Variants in NELL1 observed in about 807,000 individuals in gnomAD.
The protein encoded by NELL1 is neural EGFL like 1, also known as protein kinase C-binding protein NELL1.
In NELL1, 76 loss-of-function variants were observed where a neutral mutation model predicts 107.4. The observed-to-expected ratio is 0.71, with a 90% CI of 0.59 to 0.86. The LOEUF (loss-of-function observed/expected upper bound fraction) is 0.86. Among genes scored for constraint, NELL1 ranks in the 40% least tolerant of loss-of-function variants. The pLI, the probability that NELL1 is intolerant of heterozygous loss-of-function variation, is 0.00. For synonymous variants in NELL1, 353 were observed against 341.2 expected, an observed-to-expected ratio of 1.03 and a Z score of -0.38; for missense variants, 1,024 against 1,005.5, an observed-to-expected ratio of 1.02 and a Z score of -0.25.
intron 13 of NELL1, among the ~76,000 whole-genome samples, chr11:21,171,702 T>A (rs557124375): frequency 1.3e-5 from 2 of 151,908 alleles, no homozygotes; most frequent in South Asian, 4.1e-4. Flanking sequence ...GAAACCTACT[T>A]TATTACTGTA....
intron 14 of NELL1, among the ~76,000 whole-genome samples, chr11:21,331,306 A>G (rs1480013770): frequency 1.3e-5 from 2 of 151,896 alleles, no homozygotes; most frequent in Admixed American, 6.6e-5. Flanking sequence ...TTAGAACAGT[A>G]GGCATTTTAG....
chr11:21,562,662 G>C (rs1856878345), intron 17 of NELL1, among the ~76,000 whole-genome samples: 1 of 152,042 alleles, frequency 6.6e-6, no homozygotes, highest in South Asian at 2.1e-4. Context: ...CCAAATGGGT[G>C]ACTATAATGG....
intron 15 of NELL1, among the ~76,000 whole-genome samples, chr11:21,442,175 C>G (rs547690772): frequency 6.6e-6 from 1 of 152,250 alleles, no homozygotes; most frequent in East Asian, 1.9e-4. Context: ...AATGCCTATT[C>G]ATTTCTCAGG....
intron 14 of NELL1, among the ~76,000 whole-genome samples, chr11:21,369,835 A>G (rs1056759440): frequency 2.6e-5 from 4 of 152,114 alleles, no homozygotes; most frequent in Non-Finnish European, 5.9e-5. Flanking sequence ...ATATTAAATT[A>G]ACTGGATGGA....
chr11:21,291,225 G>C (rs1459727320), intron 14 of NELL1, among the ~76,000 whole-genome samples: 9 of 152,134 alleles, frequency 5.9e-5, no homozygotes, highest in African/African-American at 2.4e-5. Context: ...AATTGATCAA[G>C]TGGAAGACAG....
chr11:21,573,621 G>T (rs776009863), intron 19 of NELL1, among the ~76,000 whole-genome samples: 1 of 151,842 alleles, frequency 6.6e-6, no homozygotes, highest in African/African-American at 2.4e-5. Flanking sequence ...TGAAATAAAA[G>T]AATTGCTCCT....
chr11:21,409,851 C>G (rs993922185), intron 15 of NELL1, among the ~76,000 whole-genome samples: 4 of 151,888 alleles, frequency 2.6e-5, no homozygotes, highest in African/African-American at 4.8e-5. Flanking sequence ...GTTTGCCACT[C>G]TCTCACACAC....
rs1008486219 is a variant in NELL1, at chr11:21,280,075, G to A, written c.1549+50621G>A. On this transcript the variant is annotated intron_variant, in intron 14 of 19. Coordinates refer to ENST00000357134, the MANE Select transcript of NELL1 (RefSeq NM_006157.5). ...TTGGGGGAAGGGAGAGATAAAAGGT[G>A]CTCAAATAGAGGATTTTTAAGGCAG... 2.6e-5 allele frequency among the ~76,000 whole-genome samples: 4 copies of A among 152,248 alleles called. No individual in the cohort carries two copies. In the East Asian group the frequency reaches 5.8e-4, roughly 22 times the overall value.
chr11:21,122,461 A>ATATCTATC (rs764704911), intron 13 of NELL1, among the ~76,000 whole-genome samples: 5 of 152,148 alleles, frequency 3.3e-5, no homozygotes, highest in African/African-American at 1.2e-4. Flanking sequence ...TGGTACATGC[A>ATATCTATC]TATCTATCTA....
chr11:20,681,424 A>G (rs1337941451), intron 2 of NELL1, among the ~76,000 whole-genome samples: 1 of 152,092 alleles, frequency 6.6e-6, no homozygotes, highest in Non-Finnish European at 1.5e-5. Context: ...TATTCATTCA[A>G]TAATATGTCC....
chr11:21,322,231 A>T (rs1371623279), intron 14 of NELL1, among the ~76,000 whole-genome samples: 1 of 152,116 alleles, frequency 6.6e-6, no homozygotes. Flanking sequence ...GAGTTAAAAG[A>T]CCCTGCTTCA....
intron 13 of NELL1, among the ~76,000 whole-genome samples, chr11:21,211,842 T>G (rs1449137514): frequency 6.6e-6 from 1 of 152,140 alleles, no homozygotes; most frequent in Non-Finnish European, 1.5e-5. Flanking sequence ...TTTTTTGTTT[T>G]TGAGATGGAG....
chr11:21,290,168 G>C (rs947517611), intron 14 of NELL1, among the ~76,000 whole-genome samples: 2 of 152,028 alleles, frequency 1.3e-5, no homozygotes, highest in African/African-American at 2.4e-5. Context: ...AGGAGATCGA[G>C]ACCATCCTGT....
At chr11:21,514,542 C>T (rs1855510902) in intron 15 of NELL1, among the ~76,000 whole-genome samples, 1 of 152,228 alleles carries the variant, frequency 6.6e-6, no homozygotes, top group Admixed American at 6.5e-5. Flanking sequence ...CAGTTGTACC[C>T]ATGTGGCAAC....
intron 12 of NELL1, among the ~76,000 whole-genome samples, chr11:21,089,853 A>G (rs556303769): frequency 3.3e-5 from 5 of 152,288 alleles, no homozygotes; most frequent in African/African-American, 7.2e-5. Context: ...GGATTGTTCA[A>G]TCTTAGGGAT....
chr11:20,860,877 G>T (rs757220143), intron 4 of NELL1, among the ~76,000 whole-genome samples: 7 of 152,146 alleles, frequency 4.6e-5, no homozygotes, highest in Non-Finnish European at 8.8e-5. Context: ...TCACAGGTGG[G>T]GTGAAGGGAT....
intron 15 of NELL1, among the ~76,000 whole-genome samples, chr11:21,461,703 GT>G (rs1853904718): frequency 6.6e-6 from 1 of 152,124 alleles, no homozygotes; most frequent in Non-Finnish European, 1.5e-5. Context: ...GGCACAGAGA[GT>G]TTAAGCATCT....
At chr11:21,523,068 T>A (rs1591003848) in intron 15 of NELL1, among the ~76,000 whole-genome samples, 4 of 151,960 alleles carry the variant, frequency 2.6e-5, no homozygotes, top group Admixed American at 2.6e-4. Flanking sequence ...AGGATGGGCT[T>A]GATCTCCTGA....
intron 14 of NELL1, among the ~76,000 whole-genome samples, chr11:21,329,213 T>C (rs1296167996): frequency 6.6e-6 from 1 of 151,994 alleles, no homozygotes; most frequent in East Asian, 1.9e-4. Flanking sequence ...AATTTAATCA[T>C]GAGGGCAGTT....
Sources: gnomAD v4.1 joint callset for allele counts (sites outside exome capture counted in the v4.1 genomes callset) on GRCh38, gnomAD v4.1.1 for gene constraint, MANE v1.5 for transcripts, NCBI Gene and HGNC (gene_info 2026-07-23, HGNC 2026-07-21) for gene names.